CNGB1: variants seen among roughly 807,000 people sequenced by gnomAD.
The protein encoded by CNGB1 is cyclic nucleotide gated channel subunit beta 1, also known as cyclic nucleotide-gated channel beta-1.
CNGB1 carries 126 observed loss-of-function variants against 151.7 expected under a neutral mutation model. That is an observed-to-expected ratio of 0.83 (90% CI 0.72 to 0.96). CNGB1 has a LOEUF of 0.96. CNGB1 is among the 40% of genes least tolerant of loss of function. CNGB1 has a pLI of 0.00. For missense variants in CNGB1, 1,698 were observed against 1,627.0 expected, an observed-to-expected ratio of 1.04 and a Z score of -0.75; for synonymous variants, 623 against 635.1, an observed-to-expected ratio of 0.98 and a Z score of 0.29.
At chr16:57,901,301 C>T in intron 29 of CNGB1, 51 bp downstream of exon 29, 5 of 1,577,940 alleles carry the variant, frequency 3.2e-6, no homozygotes, top group Non-Finnish European at 3.5e-6. Context: ...TCCTTGAAAG[C>T]CAGGGGGATG....
At chr16:57,938,686 C>T (rs1327728620) in intron 16 of CNGB1, among the ~76,000 whole-genome samples, 1 of 152,170 alleles carries the variant, frequency 6.6e-6, no homozygotes, top group Non-Finnish European at 1.5e-5. Context: ...TCAGTTTTCT[C>T]ATCTGTAAAA....
chr16:57,967,569 T>C (rs1276929247), intron 1 of CNGB1, among the ~76,000 whole-genome samples: 9 of 151,954 alleles, frequency 5.9e-5, no homozygotes, highest in Admixed American at 5.9e-4. Flanking sequence ...AGTGGCTCAC[T>C]CCTGTAGTCC....
rs767017474 is a variant in CNGB1 at position 57,882,481 on chromosome 16, C to T, written c.*1683G>A. 2 of 152,122 alleles carry T rather than the reference C, an allele frequency of 1.3e-5. No homozygotes were observed. Among genetic ancestry groups the T allele is most frequent in the African/African-American group, 4.8e-5 (2 of 41,416 alleles). The allele number at this position is 152,122 out of a possible 1,614,324, so 9.4% of individuals were successfully genotyped here. A position where few individuals can be genotyped will look rare whatever the true frequency, so the allele number is the denominator to read the frequency against. ...ATGCTTAGACCAGCCTGGGGACTCC[C>T]ACATTCTTTCATTTTTCCACAGTGG... On this transcript the variant is annotated 3_prime_UTR_variant, in exon 33 of 33. Coordinates refer to ENST00000251102, the MANE Select transcript of CNGB1 (RefSeq NM_001297.5).
intron 23 of CNGB1, 29 bp from the exon 24 acceptor site, chr16:57,913,023 C>T: frequency 6.2e-7 from 1 of 1,611,584 alleles, no homozygotes; most frequent in Non-Finnish European, 8.5e-7. Context: ...GTGAGAGCAG[C>T]CCACCGGCCA....
chr16:57,952,244 G>C (rs954502494), intron 12 of CNGB1, among the ~76,000 whole-genome samples: 6 of 152,212 alleles, frequency 3.9e-5, no homozygotes, highest in Non-Finnish European at 8.8e-5. Flanking sequence ...GAGAGGCTGA[G>C]TGTCTTGTCC....
At chr16:57,919,709 A>T (rs7195562) in intron 19 of CNGB1, among the ~76,000 whole-genome samples, 8,841 of 152,002 alleles carry the variant, frequency 0.058, 298 homozygotes, top group African/African-American at 0.088. Context: ...GGGAATCTCA[A>T]CTCTTTCATC....
intron 16 of CNGB1, 117 bp downstream of exon 16, chr16:57,939,313 T>TGGGGGGAAGGAGATGGAGGGAG (rs1961597524): frequency 2.8e-6 from 4 of 1,446,914 alleles, no homozygotes; most frequent in South Asian, 2.3e-5. Context: ...GAGGGGGCAA[T>TGGGGGGAAGGAGATGGAGGGAG]GGGGGGAAGG....
At position 57,884,215 on chromosome 16, in the gene CNGB1, C is replaced by G; in HGVS notation, c.3705G>C (p.Glu1235Asp). The change falls in exon 33 of 33, where the codon GAG becomes GAC. Residue 1235 changes from glutamate (E) to aspartate (D), a missense_variant. Transcript: ENST00000251102. ...ICMSPGPEPG[E>D]QILSVKMPEE... Reference sequence around the variant, plus strand: ...CCGGCATCTTCACCGACAGGATCTGCTCTCCCGGCTCCGGGCCCGGGCTCA... The same window carrying G: ...CCGGCATCTTCACCGACAGGATCTGGTCTCCCGGCTCCGGGCCCGGGCTCA... 6.2e-7 allele frequency: 1 copy of G among 1,613,994 alleles called. No individual in the cohort carries two copies. Among genetic ancestry groups the G allele is most frequent in the Non-Finnish European group, 8.5e-7 (1 of 1,179,930 alleles).
chr16:57,891,524 A>G (rs1180448890), intron 31 of CNGB1, among the ~76,000 whole-genome samples: 2 of 151,840 alleles, frequency 1.3e-5, no homozygotes, highest in Non-Finnish European at 2.9e-5. Context: ...ATAATAATAA[A>G]CTTGTCTTAT....
At chr16:57,968,961 T>C (rs11643697) in intron 1 of CNGB1, among the ~76,000 whole-genome samples, 88,824 of 150,718 alleles carry the variant, frequency 0.59, 26,793 homozygotes, top group Non-Finnish European at 0.67. Flanking sequence ...TCAGTGATCA[T>C]GCCACTGCAC....
intron 9 of CNGB1, among the ~76,000 whole-genome samples, chr16:57,960,267 C>A (rs966786485): frequency 1.7e-4 from 26 of 152,308 alleles, no homozygotes; most frequent in Middle Eastern, 3.4e-3. Flanking sequence ...TTACCCAAGA[C>A]CCACAAGTCT....
At chr16:57,936,764 G>A (rs1337476392) in intron 16 of CNGB1, among the ~76,000 whole-genome samples, 1 of 150,158 alleles carries the variant, frequency 6.7e-6, no homozygotes, top group Non-Finnish European at 1.5e-5. Context: ...CAGCCTGGGT[G>A]ACAGAGAGAG....
At chr16:57,965,986 C>A (rs183525137) in intron 2 of CNGB1, among the ~76,000 whole-genome samples, 34 of 152,266 alleles carry the variant, frequency 2.2e-4, no homozygotes, top group African/African-American at 7.7e-4. Flanking sequence ...CATACGCACA[C>A]CCTATACCTG....
chr16:57,884,376 C>A lies in CNGB1; in HGVS notation c.3544G>T (p.Asp1182Tyr). 1 of 1,611,970 alleles carries A rather than the reference C, an allele frequency of 6.2e-7. No homozygotes were observed. Among genetic ancestry groups the A allele is most frequent in the South Asian group, 1.1e-5 (1 of 91,032 alleles). ...GGGGGCGTCCGGGGCGCGGGTGGGT[C>A]GGTGGCGGCCTCCTTTGGGTGCGTG... ...QHTHPKEAAT[D>Y]PPAPRTPPEP... The change falls in exon 33 of 33, where the codon GAC becomes TAC. Residue 1182 changes from aspartate to tyrosine, a missense_variant. Transcript: ENST00000251102.
intron 23 of CNGB1, among the ~76,000 whole-genome samples, chr16:57,914,398 G>A (rs572342801): frequency 6.6e-6 from 1 of 152,304 alleles, no homozygotes; most frequent in Admixed American, 6.5e-5. Flanking sequence ...TTCCATGCTC[G>A]ATTCCACATA....
intron 31 of CNGB1, among the ~76,000 whole-genome samples, chr16:57,890,160 G>A (rs1960048218): frequency 1.3e-5 from 2 of 152,188 alleles, no homozygotes; most frequent in South Asian, 4.1e-4. Context: ...ACAATGAATT[G>A]GCAAATTCAT....
rs376659034 is a variant in CNGB1 at position 57,923,380 on chromosome 16, C to T, written c.1536G>A (p.Arg512=). 8.7e-6 allele frequency: 14 copies of T among 1,612,224 alleles called. No homozygotes were observed. In the East Asian group the frequency reaches 2.5e-4, roughly 28 times the overall value. The change falls in exon 18 of 33, where the codon AGG becomes AGA. Residue 512 remains arginine, a splice_region_variant and synonymous_variant. Coordinates refer to ENST00000251102, the MANE Select transcript of CNGB1 (RefSeq NM_001297.5). Reference sequence around the variant, plus strand: ...CATCATCCTCAGAGGGCAGCTTCTTCCTGCAAAGACACAGATGTGGAAGGG... The same window carrying T: ...CATCATCCTCAGAGGGCAGCTTCTTTCTGCAAAGACACAGATGTGGAAGGG... ...IVPSSASGTH[R]KKLPSEDDEA...
chr16:57,899,411 G>A (rs1018197738), intron 29 of CNGB1, among the ~76,000 whole-genome samples: 4 of 152,228 alleles, frequency 2.6e-5, no homozygotes, highest in South Asian at 4.1e-4. Flanking sequence ...AGGCCAAGGC[G>A]GGCACATCAC....
intron 18 of CNGB1, among the ~76,000 whole-genome samples, chr16:57,921,542 G>C (rs1961036345): frequency 6.6e-6 from 1 of 152,074 alleles, no homozygotes. Flanking sequence ...CTCCTAATGA[G>C]AGCTGGCATA....
Sources: gnomAD v4.1 joint callset for allele counts (sites outside exome capture counted in the v4.1 genomes callset) on GRCh38, gnomAD v4.1.1 for gene constraint, MANE v1.5 for transcripts, NCBI Gene and HGNC (gene_info 2026-07-23, HGNC 2026-07-21) for gene names.